Variants in TRDMT1 observed in about 807,000 individuals in gnomAD.
TRDMT1 encodes the protein tRNA (cytosine(38)-C(5))-methyltransferase.
Under a neutral mutation model 51.2 loss-of-function variants are expected in TRDMT1, and 49 were observed. The ratio of observed to expected loss-of-function variants is 0.96; its 90% confidence interval spans 0.76 to 1.21. TRDMT1 has a LOEUF of 1.21. Among genes scored for constraint, TRDMT1 ranks in the 50% most tolerant of loss-of-function variants. TRDMT1 has a pLI of 0.00. For synonymous variants in TRDMT1, 187 were observed against 164.6 expected, an observed-to-expected ratio of 1.14 and a Z score of -1.04; for missense variants, 534 against 462.3, an observed-to-expected ratio of 1.16 and a Z score of -1.42.
At position 17,144,355 on chromosome 10, in the gene TRDMT1, T is replaced by C; in HGVS notation, c.*4685A>G. The C allele has an allele frequency of 2.0e-6, 2 of 985,418 alleles. No individual in the cohort carries two copies. The highest frequency in any genetic ancestry group is 2.4e-6 in the Non-Finnish European group (2 of 829,900). The allele number at this position is 985,418 out of a possible 1,614,324, so 61.0% of individuals were successfully genotyped here. On this transcript the variant is annotated 3_prime_UTR_variant, in exon 11 of 11. Coordinates refer to ENST00000377799, the MANE Select transcript of TRDMT1 (RefSeq NM_004412.7). The stretch of plus-strand genomic sequence containing the variant: ...AAGTAAACACTGAAGCCATGCTAGG[T>C]ACAAGCAAAGAAATGAAAAAACCCT...
At chr10:17,150,186 T>G (rs1421302469) in intron 10 of TRDMT1, 2 of 166,188 alleles carry the variant, frequency 1.2e-5, no homozygotes, top group African/African-American at 4.8e-5. Flanking sequence ...CTAATGAGTA[T>G]GAAGTAATAT....
At chr10:17,177,942 C>T (rs891858693) in intron 1 of TRDMT1, among the ~76,000 whole-genome samples, 5 of 151,962 alleles carry the variant, frequency 3.3e-5, no homozygotes, top group African/African-American at 4.8e-5. Context: ...TCAATATTTA[C>T]AAGATGTAAA....
chr10:17,162,283 T>G, intron 3 of TRDMT1, 46 bp from the exon 4 acceptor site: 1 of 1,512,138 alleles, frequency 6.6e-7, no homozygotes, highest in South Asian at 1.2e-5. Context: ...CACAGAAAGT[T>G]TATTAAGAAT....
In TRDMT1 at chr10:17,140,757, A is replaced by G. The variant is rs1837612355; in HGVS notation, c.*8283T>C. Among the ~76,000 whole-genome samples the G allele has an allele frequency of 6.6e-6, 1 of 152,242 alleles. No homozygotes were observed. The highest frequency in any genetic ancestry group is 1.5e-5 in the Non-Finnish European group (1 of 68,042). ...CAACAAAAAAGATCACATTCAATTG[A>G]AAAATATAAACAAGAAAAATTAAAA... On this transcript the variant is annotated 3_prime_UTR_variant, in exon 11 of 11. Transcript: ENST00000377799.
Position 17,145,972 on chromosome 10 carries a change from A to G in TRDMT1, c.*3068T>C. On this transcript the variant is annotated 3_prime_UTR_variant, in exon 11 of 11. Coordinates refer to ENST00000377799, the MANE Select transcript of TRDMT1 (RefSeq NM_004412.7). ...TAGACCTCAACTAGGTTGAGATGGG[A>G]GCAAAAACCCAGATGGTGATTTCTG... The G allele has an allele frequency of 1.0e-6, 1 of 985,406 alleles. No individual in the cohort carries two copies. Among genetic ancestry groups the G allele is most frequent in the Non-Finnish European group, 1.2e-6 (1 of 829,938 alleles). 61.0% of individuals were successfully genotyped at this position (985,406 alleles called of 1,614,324 possible).
chr10:17,160,404 T>C, intron 5 of TRDMT1, 30 bp from the exon 6 acceptor site: 1 of 1,387,394 alleles, frequency 7.2e-7, no homozygotes, highest in South Asian at 1.4e-5. Flanking sequence ...ACTTTAATTC[T>C]TACTTGGAAA....
At position 17,146,145 on chromosome 10, in the gene TRDMT1, G is replaced by A. The variant is rs919895924; in HGVS notation, c.*2895C>T. ...AATAACTTTACCTCTTTGAAAAGTT[G>A]GATAATTTCAAGCAACAGTTTACCC... On this transcript the variant is annotated 3_prime_UTR_variant, in exon 11 of 11. Transcript: ENST00000377799. 1 of 985,304 alleles carries A rather than the reference G, an allele frequency of 1.0e-6. No homozygotes were observed. The highest frequency in any genetic ancestry group is 1.7e-5 in the African/African-American group (1 of 57,232). 61.0% of individuals were successfully genotyped at this position (985,304 alleles called of 1,614,324 possible).
chr10:17,150,397 C>T (rs1838534149), intron 10 of TRDMT1: 1 of 985,180 alleles, frequency 1.0e-6, no homozygotes, highest in Non-Finnish European at 1.2e-6. Context: ...GGTGTTTTTA[C>T]ACTCTGCTTC....
At position 17,145,465 on chromosome 10, in the gene TRDMT1, T is replaced by A. The variant is rs1323803214; in HGVS notation, c.*3575A>T. 1.0e-6 allele frequency: 1 copy of A among 985,262 alleles called. No homozygotes were observed. Among genetic ancestry groups the A allele is most frequent in the East Asian group, 1.1e-4 (1 of 8,818 alleles). 61.0% of individuals were successfully genotyped at this position (985,262 alleles called of 1,614,324 possible). ...AAAGGCCATGTCTTTAAAAATTATATAATCTCAATGCAATCACAGGCTACA... is the reference window on the plus strand; with the variant it reads ...AAAGGCCATGTCTTTAAAAATTATAAAATCTCAATGCAATCACAGGCTACA... On this transcript the variant is annotated 3_prime_UTR_variant, in exon 11 of 11. Transcript: ENST00000377799.
chr10:17,194,949 C>CAAAAAAAAAAAAAAAAAAAAAAAA (rs1157484978), intron 1 of TRDMT1, among the ~76,000 whole-genome samples: 1 of 85,286 alleles, frequency 1.2e-5, no homozygotes, highest in Non-Finnish European at 2.7e-5. Flanking sequence ...AAAAAAAAGT[C>CAAAAAAAAAAAAAAAAAAAAAAAA]AAAAAAAAAA....
chr10:17,138,309 A>T lies in TRDMT1; in HGVS notation c.*10731T>A, dbSNP rs1448631372. Among the ~76,000 whole-genome samples, 1 of 152,182 alleles carries T rather than the reference A, an allele frequency of 6.6e-6. No individual in the cohort carries two copies. The highest frequency in any genetic ancestry group is 1.5e-5 in the Non-Finnish European group (1 of 68,046). The stretch of plus-strand genomic sequence containing the variant: ...GATCTTTTAACCTTCATGACACTTA[A>T]TTCATTCTCTTTTTCAGGGACGTAA... On this transcript the variant is annotated 3_prime_UTR_variant, in exon 11 of 11. Transcript: ENST00000377799.
Position 17,144,128 on chromosome 10 carries a change from C to G in TRDMT1, c.*4912G>C. 1 of 985,478 alleles carries G rather than the reference C, an allele frequency of 1.0e-6. No individual in the cohort carries two copies. Among genetic ancestry groups the G allele is most frequent in the Non-Finnish European group, 1.2e-6 (1 of 829,942 alleles). The allele number at this position is 985,478 out of a possible 1,614,324, so 61.0% of individuals were successfully genotyped here. ...GAAAGAGACCTGAGGACGGAACCTT[C>G]AGATAAGTCAGCTCCAAGCCTCTGC... On this transcript the variant is annotated 3_prime_UTR_variant, in exon 11 of 11. Coordinates refer to ENST00000377799, the MANE Select transcript of TRDMT1 (RefSeq NM_004412.7).
intron 1 of TRDMT1, among the ~76,000 whole-genome samples, chr10:17,176,733 A>G (rs1327695746): frequency 6.6e-6 from 1 of 152,218 alleles, no homozygotes; most frequent in African/African-American, 2.4e-5. Flanking sequence ...AAACTTACAG[A>G]TAAGTTTTAA....
intron 1 of TRDMT1, among the ~76,000 whole-genome samples, chr10:17,180,837 T>C (rs1843198509): frequency 1.3e-5 from 2 of 152,204 alleles, no homozygotes; most frequent in Non-Finnish European, 2.9e-5. Flanking sequence ...GTATGAAAGA[T>C]GGATAGCAAA....
At chr10:17,162,519 C>T (rs1358814897) in intron 3 of TRDMT1, among the ~76,000 whole-genome samples, 10 of 152,146 alleles carry the variant, frequency 6.6e-5, no homozygotes, top group African/African-American at 9.6e-5. Context: ...CCAGCCTGGC[C>T]GACATGGCGA....
At chr10:17,177,845 T>G (rs1304865838) in intron 1 of TRDMT1, among the ~76,000 whole-genome samples, 1 of 152,092 alleles carries the variant, frequency 6.6e-6, no homozygotes, top group Non-Finnish European at 1.5e-5. Context: ...TGAAAAGCTT[T>G]ACAAGTTCAC....
rs140730862 is a variant in TRDMT1, at chr10:17,177,315, C to T, written c.65-2655G>A. On this transcript the variant is annotated intron_variant, in intron 1 of 10. Transcript: ENST00000377799. ...AGGTTCAAGCAATTTGATTCTCCTG[C>T]CTCAGTCTCCAGAGTAACAGAAACT... is the stretch of plus-strand genomic sequence containing the variant. Among the ~76,000 whole-genome samples, 49 of 152,054 alleles carry T rather than the reference C, an allele frequency of 3.2e-4. No homozygotes were observed. In the East Asian group the frequency reaches 9.1e-3, roughly 28 times the overall value.
At chr10:17,197,972 T>G (rs764176705) in intron 1 of TRDMT1, among the ~76,000 whole-genome samples, 3 of 151,642 alleles carry the variant, frequency 2.0e-5, no homozygotes, top group Non-Finnish European at 4.4e-5. Flanking sequence ...AGACGGAGGT[T>G]GCAGTGAACT....
At chr10:17,164,532 G>C (rs1840894874) in intron 3 of TRDMT1, among the ~76,000 whole-genome samples, 1 of 152,154 alleles carries the variant, frequency 6.6e-6, no homozygotes, top group Non-Finnish European at 1.5e-5. Flanking sequence ...AATCAGGCAG[G>C]AGAAAGAAAT....
Sources: allele counts gnomAD v4.1 joint callset (sites outside exome capture counted in the v4.1 genomes callset), GRCh38; gene constraint gnomAD v4.1.1; transcripts MANE v1.5; gene names NCBI Gene and HGNC (gene_info 2026-07-23, HGNC 2026-07-21).